Variants in ZNF585B observed in about 807,000 individuals in gnomAD.
ZNF585B encodes zinc finger protein 41-like protein.
A neutral mutation model predicts 14.0 loss-of-function variants in ZNF585B; 7 were observed. The observed-to-expected ratio is 0.50, with a 90% confidence interval of 0.28 to 0.94. The LOEUF (loss-of-function observed/expected upper bound fraction) is 0.94, where lower values mean the gene tolerates loss of function less well. ZNF585B is among the 40% of genes least tolerant of loss of function. The pLI is 0.09. For synonymous variants in ZNF585B, 290 were observed against 317.3 expected (o/e 0.91, Z 0.91); for missense variants, 750 against 924.4 (o/e 0.81, Z 2.45).
At chr19:37,189,880 C>A (rs1296854398) in intron 3 of ZNF585B, 127 bp from the exon 4 acceptor site, 6 of 1,557,318 alleles carry the variant, frequency 3.9e-6, no homozygotes, top group Non-Finnish European at 5.2e-6. Context: ...GAGTAATATT[C>A]TGAGTACCCT....
rs369605522 is a variant in ZNF585B at position 37,185,848 on chromosome 19, T to A, written c.1689A>T (p.Ser563=). The A allele has an allele frequency of 1.1e-5, 17 of 1,612,514 alleles. No homozygotes were observed. The highest frequency in any genetic ancestry group is 1.4e-5 in the Non-Finnish European group (17 of 1,179,462). ...HECGKAFNQK[S]ILIVHQKIHT... ...GAATTTTCTGATGAACAATGAGTAT[T>A]GATTTCTGGTTGAAGGCTTTCCCAC... Residue 563 remains serine, a synonymous_variant, in exon 5 of 5, where the codon TCA becomes TCT. Coordinates refer to ENST00000532828, the MANE Select transcript of ZNF585B (RefSeq NM_152279.4).
chr19:37,183,353 T>C lies in ZNF585B; in HGVS notation c.*1874A>G, dbSNP rs940507533. Reference sequence around the variant, plus strand: ...AACACAGAAAAAAATCAGACAGAAGTCACGCAACAAGCATGGGTCAACTCT... The same window carrying C: ...AACACAGAAAAAAATCAGACAGAAGCCACGCAACAAGCATGGGTCAACTCT... On this transcript the variant is annotated 3_prime_UTR_variant, in exon 5 of 5. Transcript: ENST00000532828. 1.3e-5 allele frequency: 2 copies of C among 152,100 alleles called. No homozygotes were observed. Among genetic ancestry groups the C allele is most frequent in the Admixed American group, 1.3e-4 (2 of 15,246 alleles). 9.4% of individuals were successfully genotyped at this position (152,100 alleles called of 1,614,324 possible).
In ZNF585B at chr19:37,182,109, T is replaced by C. The variant is rs1468889959; in HGVS notation, c.*3118A>G. The C allele has an allele frequency of 6.6e-6, 1 of 152,200 alleles. No individual in the cohort carries two copies. Among genetic ancestry groups the C allele is most frequent in the Non-Finnish European group, 1.5e-5 (1 of 68,040 alleles). 9.4% of individuals were successfully genotyped at this position (152,200 alleles called of 1,614,324 possible). A position where few individuals can be genotyped will look rare whatever the true frequency, so the allele number is the denominator to read the frequency against. On this transcript the variant is annotated 3_prime_UTR_variant, in exon 5 of 5. Coordinates refer to ENST00000532828, the MANE Select transcript of ZNF585B (RefSeq NM_152279.4). ...GGGTAGGGGATATATGGGAAATCTC[T>C]GTACCTTCTGCCCCATTTTGCTGTG...
chr19:37,196,308 G>C (rs1321293129), intron 2 of ZNF585B, among the ~76,000 whole-genome samples: 2 of 152,072 alleles, frequency 1.3e-5, no homozygotes, highest in African/African-American at 4.8e-5. Context: ...GTATCATTTT[G>C]TAATTCTCTG....
At chr19:37,207,364 G>T (rs901210639) in intron 1 of ZNF585B, 110 bp from the exon 2 acceptor site, 3 of 763,906 alleles carry the variant, frequency 3.9e-6, no homozygotes, top group African/African-American at 1.8e-5. Context: ...GTTCCCAAAC[G>T]TAGGTATGCA....
intron 4 of ZNF585B, among the ~76,000 whole-genome samples, chr19:37,187,687 A>G (rs751501184): frequency 6.6e-6 from 1 of 152,094 alleles, no homozygotes. Flanking sequence ...TTTTCAAGGG[A>G]TAATAAGTCA....
intron 2 of ZNF585B, among the ~76,000 whole-genome samples, chr19:37,197,737 A>G (rs1568510088): frequency 6.6e-6 from 1 of 152,196 alleles, no homozygotes; most frequent in Non-Finnish European, 1.5e-5. Context: ...ACCAGTGATG[A>G]TGAGCATTTT....
intron 1 of ZNF585B, 35 bp from the exon 2 acceptor site, chr19:37,207,289 T>TCACTACATAAACACTTCCTGGATACAC: frequency 7.1e-7 from 1 of 1,405,034 alleles, no homozygotes; most frequent in African/African-American, 1.4e-5. Flanking sequence ...CATTCAACAT[T>TCACTACATAAACACTTCCTGGATACAC]CACTACATAA....
chr19:37,196,821 A>C (rs137988088), intron 2 of ZNF585B, among the ~76,000 whole-genome samples: 15 of 152,342 alleles, frequency 9.8e-5, no homozygotes, highest in Non-Finnish European at 1.9e-4. Context: ...ATACATGTTA[A>C]CCAACTCTTT....
chr19:37,198,972 A>C (rs1972502294), intron 2 of ZNF585B: 2 of 1,525,950 alleles, frequency 1.3e-6, no homozygotes, highest in Non-Finnish European at 1.8e-6. Context: ...GCATTCAGAG[A>C]TTACAGTTTG....
At position 37,184,153 on chromosome 19, in the gene ZNF585B, C is replaced by A. The variant is rs1393694058; in HGVS notation, c.*1074G>T. 6.6e-6 allele frequency: 1 copy of A among 151,548 alleles called. No individual in the cohort carries two copies. The highest frequency in any genetic ancestry group is 2.0e-4 in the East Asian group (1 of 5,120). The allele number at this position is 151,548 out of a possible 1,614,324, so 9.4% of individuals were successfully genotyped here. Reference sequence around the variant, plus strand: ...CGGGCGGATCATGAGGTCAGGAGTTCGAGACCAGCCTGGCCAGCATGGTGA... The same window carrying A: ...CGGGCGGATCATGAGGTCAGGAGTTAGAGACCAGCCTGGCCAGCATGGTGA... On this transcript the variant is annotated 3_prime_UTR_variant, in exon 5 of 5. Coordinates refer to ENST00000532828, the MANE Select transcript of ZNF585B (RefSeq NM_152279.4).
intron 1 of ZNF585B, among the ~76,000 whole-genome samples, chr19:37,210,225 C>A (rs552338264): frequency 6.6e-6 from 1 of 152,114 alleles, no homozygotes; most frequent in Non-Finnish European, 1.5e-5. Context: ...GCTGACCCTA[C>A]AGGCCCTCAG....
rs920963234 is a variant in ZNF585B at position 37,185,013 on chromosome 19, A to T, written c.*214T>A. 13 of 506,230 alleles carry T rather than the reference A, an allele frequency of 2.6e-5. No individual in the cohort carries two copies. The highest frequency in any genetic ancestry group is 4.5e-5 in the Non-Finnish European group (13 of 288,306). 31.4% of individuals were successfully genotyped at this position (506,230 alleles called of 1,614,324 possible). ...TTGACTCGGTTCCTTGTCAGTATGA[A>T]TAATGACCCAAGGTTTACTGGGGAT... On this transcript the variant is annotated 3_prime_UTR_variant, in exon 5 of 5. Coordinates refer to ENST00000532828, the MANE Select transcript of ZNF585B (RefSeq NM_152279.4).
chr19:37,192,480 C>T (rs1008389709), intron 2 of ZNF585B, among the ~76,000 whole-genome samples: 24 of 150,730 alleles, frequency 1.6e-4, no homozygotes, highest in Admixed American at 1.5e-3. Context: ...GCACTCCAAC[C>T]TGAGTGACAG....
At position 37,185,235 on chromosome 19, in the gene ZNF585B, G is replaced by T. The variant is rs1031503335; in HGVS notation, c.2302C>A (p.His768Asn). 8.1e-6 allele frequency: 13 copies of T among 1,611,872 alleles called. No homozygotes were observed. Among genetic ancestry groups the T allele is most frequent in the African/African-American group, 1.3e-5 (1 of 74,902 alleles). ...KSVFSVHQSSHA is the reference protein window; with the variant it reads ...KSVFSVHQSSNA Reference sequence around the variant, plus strand: ...TTCTCACACTGTTTCTCTCAAGCGTGGCTGCTCTGATGAACACTGAACACT... The same window carrying T: ...TTCTCACACTGTTTCTCTCAAGCGTTGCTGCTCTGATGAACACTGAACACT... The change falls in exon 5 of 5, where the codon CAC becomes AAC. Residue 768 changes from histidine (H) to asparagine (N), a missense_variant. His to Asn is a moderately conservative substitution (Grantham distance 68). Coordinates refer to ENST00000532828, the MANE Select transcript of ZNF585B (RefSeq NM_152279.4).
chr19:37,197,194 T>A (rs892204699), intron 2 of ZNF585B, among the ~76,000 whole-genome samples: 1 of 149,674 alleles, frequency 6.7e-6, no homozygotes, highest in East Asian at 2.0e-4. Context: ...AGTGATCTCA[T>A]AGTTCAATTC....
intron 2 of ZNF585B, among the ~76,000 whole-genome samples, chr19:37,200,512 T>G (rs1288381515): frequency 8.0e-6 from 1 of 124,470 alleles, no homozygotes; most frequent in African/African-American, 3.2e-5. Context: ...ATCGTGCCAC[T>G]ACACTCCAGC....
In ZNF585B at chr19:37,185,203, G is replaced by A; in HGVS notation, c.*24C>T. ...GTGTACAATCAGACCCAACCCTCAG[G>A]GGGGTTTTCTCACACTGTTTCTCTC... On this transcript the variant is annotated 3_prime_UTR_variant, in exon 5 of 5. Transcript: ENST00000532828. 3.2e-6 allele frequency: 5 copies of A among 1,584,004 alleles called. No individual in the cohort carries two copies. The highest frequency in any genetic ancestry group is 4.3e-6 in the Non-Finnish European group (5 of 1,165,766).
intron 4 of ZNF585B, among the ~76,000 whole-genome samples, chr19:37,188,376 C>A (rs569566638): frequency 5.9e-5 from 9 of 152,256 alleles, no homozygotes; most frequent in Middle Eastern, 3.4e-3. Context: ...ATCCCAGCTA[C>A]GTGGGAGGCT....
Sources: gnomAD v4.1 joint callset for allele counts (sites outside exome capture counted in the v4.1 genomes callset) on GRCh38, gnomAD v4.1.1 for gene constraint, MANE v1.5 for transcripts, NCBI Gene and HGNC (gene_info 2026-07-23, HGNC 2026-07-21) for gene names.